The following LRRC28 variants were observed in gnomAD, a reference collection of about 807,000 sequenced individuals.
LRRC28 encodes leucine-rich repeat-containing protein 28.
Under a neutral mutation model 45.7 loss-of-function variants are expected in LRRC28, and 39 were observed. The observed-to-expected ratio is 0.85, with a 90% CI of 0.66 to 1.12. LRRC28 has a LOEUF of 1.12. LRRC28 is among the 50% of genes most tolerant of loss of function. The probability of loss-of-function intolerance (pLI) is 0.00; values close to 1 mark genes in which losing one functional copy is unlikely to be tolerated. For synonymous variants in LRRC28, 206 were observed against 178.8 expected (o/e 1.15, Z -1.22); for missense variants, 435 against 438.5 (o/e 0.99, Z 0.07).
At chr15:99,351,909 A>G (rs974546547) in intron 6 of LRRC28, among the ~76,000 whole-genome samples, 4 of 152,220 alleles carry the variant, frequency 2.6e-5, no homozygotes, top group African/African-American at 9.6e-5. Flanking sequence ...TGGATGGAAA[A>G]TTGCTCAGAG....
intron 5 of LRRC28, among the ~76,000 whole-genome samples, chr15:99,322,176 C>T (rs756755256): frequency 1.1e-4 from 17 of 152,010 alleles, no homozygotes; most frequent in Non-Finnish European, 2.1e-4. Flanking sequence ...AGAGGTGGGC[C>T]AGGGCTGATC....
intron 5 of LRRC28, among the ~76,000 whole-genome samples, chr15:99,305,808 C>G (rs919680214): frequency 2.0e-5 from 3 of 152,168 alleles, no homozygotes; most frequent in African/African-American, 7.2e-5. Context: ...TGTTTCTCCA[C>G]TCAAATCTCC....
intron 2 of LRRC28, among the ~76,000 whole-genome samples, chr15:99,263,996 T>C (rs993273526): frequency 1.3e-5 from 2 of 152,156 alleles, no homozygotes; most frequent in African/African-American, 4.8e-5. Context: ...GTTTTATAGG[T>C]TCTGTTGGAA....
intron 6 of LRRC28, among the ~76,000 whole-genome samples, chr15:99,347,351 A>C (rs1317840549): frequency 6.6e-6 from 1 of 152,118 alleles, no homozygotes; most frequent in Non-Finnish European, 1.5e-5. Context: ...CTGGGACTAC[A>C]GGTGCCCGCA....
intron 9 of LRRC28, among the ~76,000 whole-genome samples, chr15:99,372,175 G>A (rs1436880785): frequency 6.6e-6 from 1 of 152,106 alleles, no homozygotes; most frequent in Non-Finnish European, 1.5e-5. Context: ...AAACATATTT[G>A]CAGAAAAAAT....
At chr15:99,259,010 C>T in intron 2 of LRRC28, 2 of 787,852 alleles carry the variant, frequency 2.5e-6, no homozygotes, top group East Asian at 2.5e-5. Flanking sequence ...GAAACTTGTT[C>T]ATAAAACTCT....
At chr15:99,302,739 G>A (rs1026527782) in intron 5 of LRRC28, among the ~76,000 whole-genome samples, 2 of 152,114 alleles carry the variant, frequency 1.3e-5, no homozygotes, top group Non-Finnish European at 1.5e-5. Context: ...GTTCTCACCC[G>A]CAGTCAACCA....
intron 5 of LRRC28, among the ~76,000 whole-genome samples, chr15:99,306,596 T>C (rs1319312023): frequency 1.3e-5 from 2 of 152,240 alleles, no homozygotes; most frequent in African/African-American, 4.8e-5. Context: ...TTTTATGTAT[T>C]TGTAATACCC....
At chr15:99,377,128 C>T (rs1957664082) in intron 9 of LRRC28, among the ~76,000 whole-genome samples, 1 of 151,956 alleles carries the variant, frequency 6.6e-6, no homozygotes, top group African/African-American at 2.4e-5. Flanking sequence ...ACACTGACTT[C>T]CACAATGGTT....
intron 2 of LRRC28, among the ~76,000 whole-genome samples, chr15:99,273,230 T>G (rs1237380444): frequency 6.6e-6 from 1 of 151,674 alleles, no homozygotes; most frequent in African/African-American, 2.4e-5. Flanking sequence ...TGTGGTGTGT[T>G]TTTTTTTGTT....
intron 5 of LRRC28, among the ~76,000 whole-genome samples, chr15:99,289,706 G>A (rs1043647094): frequency 6.6e-6 from 1 of 151,622 alleles, no homozygotes; most frequent in Non-Finnish European, 1.5e-5. Context: ...GGCCGAGGCG[G>A]GTGGATCATG....
intron 6 of LRRC28, among the ~76,000 whole-genome samples, chr15:99,339,318 C>T (rs1040951459): frequency 2.0e-5 from 3 of 152,130 alleles, no homozygotes; most frequent in African/African-American, 7.2e-5. Context: ...TTAGTTAGCT[C>T]CCAGGAAATG....
intron 5 of LRRC28, among the ~76,000 whole-genome samples, chr15:99,305,478 T>A (rs1390189430): frequency 1.3e-5 from 2 of 152,034 alleles, no homozygotes; most frequent in Non-Finnish European, 2.9e-5. Context: ...TACTTTGAAA[T>A]TAATTAAGAA....
At chr15:99,264,565 T>C (rs1012746131) in intron 2 of LRRC28, among the ~76,000 whole-genome samples, 1 of 152,164 alleles carries the variant, frequency 6.6e-6, no homozygotes, top group East Asian at 1.9e-4. Flanking sequence ...TCTTCTTTTG[T>C]TTGAGTATTG....
intron 7 of LRRC28, chr15:99,354,136 A>G (rs866788580): frequency 1.3e-5 from 2 of 152,220 alleles, no homozygotes; most frequent in East Asian, 1.9e-4. Flanking sequence ...CAAATGGCCT[A>G]TAATCTAAAG....
intron 5 of LRRC28, among the ~76,000 whole-genome samples, chr15:99,299,446 C>T (rs1316996614): frequency 6.6e-6 from 1 of 151,984 alleles, no homozygotes; most frequent in Non-Finnish European, 1.5e-5. Flanking sequence ...TATATAGGTA[C>T]ACATAATATA....
Position 99,388,258 on chromosome 15 carries a change from C to T in LRRC28, c.*2156C>T, listed in dbSNP as rs1464355846. 2 of 152,214 alleles carry T rather than the reference C, an allele frequency of 1.3e-5. No individual in the cohort carries two copies. The highest frequency in any genetic ancestry group is 4.8e-5 in the African/African-American group (2 of 41,450). 9.4% of individuals were successfully genotyped at this position (152,214 alleles called of 1,614,324 possible). ...AATGTCTTGCTACATTTTTCTATTT[C>T]ATCCTCTACAATCATATGTCATGGA... On this transcript the variant is annotated 3_prime_UTR_variant, in exon 10 of 10. Coordinates refer to ENST00000301981, the MANE Select transcript of LRRC28 (RefSeq NM_144598.5).
chr15:99,341,834 A>G (rs1241054491), intron 6 of LRRC28, among the ~76,000 whole-genome samples: 2 of 152,232 alleles, frequency 1.3e-5, no homozygotes, highest in Non-Finnish European at 2.9e-5. Context: ...AATGTGCAGT[A>G]CTAGTGAAGT....
chr15:99,282,177 G>GTTTTTTTTTTTTTTGTTTTTTTTTTTT (rs1555555141), intron 3 of LRRC28, among the ~76,000 whole-genome samples: 1 of 98,048 alleles, frequency 1.0e-5, no homozygotes, highest in Non-Finnish European at 1.9e-5. Context: ...ATTTTTGGAG[G>GTTTTTTTTTTTTTTGTTTTTTTTTTTT]TTTTTTTTTT....
Sources: gnomAD v4.1 joint callset for allele counts (sites outside exome capture counted in the v4.1 genomes callset) on GRCh38, gnomAD v4.1.1 for gene constraint, MANE v1.5 for transcripts, NCBI Gene and HGNC (gene_info 2026-07-23, HGNC 2026-07-21) for gene names.